The following TRPM1 variants were observed in gnomAD, a reference collection of about 807,000 sequenced individuals.
The protein encoded by TRPM1 is transient receptor potential cation channel subfamily M member 1.
A neutral mutation model predicts 149.4 loss-of-function variants in TRPM1; 113 were observed. That is an observed-to-expected ratio of 0.76 (90% CI 0.65 to 0.88). The LOEUF is 0.88. Among genes scored for constraint, TRPM1 ranks in the 40% least tolerant of loss-of-function variants. TRPM1 has a pLI of 0.00. For missense variants in TRPM1, 1,976 were observed against 2,038.7 expected, an observed-to-expected ratio of 0.97 and a Z score of 0.59; for synonymous variants, 741 against 759.5, an observed-to-expected ratio of 0.98 and a Z score of 0.40.
intron 1 of TRPM1, among the ~76,000 whole-genome samples, chr15:31,127,045 G>T (rs1324194642): frequency 6.6e-6 from 1 of 152,194 alleles, no homozygotes; most frequent in Non-Finnish European, 1.5e-5. Flanking sequence ...TTAATGGAAA[G>T]GGTGCTAGTA....
chr15:31,059,659 G>A (rs779717913), intron 11 of TRPM1, among the ~76,000 whole-genome samples: 23 of 151,962 alleles, frequency 1.5e-4, no homozygotes, highest in East Asian at 3.9e-4. Context: ...CTCCCAAATC[G>A]GCCTCCCAAA....
At position 31,065,836 on chromosome 15, in the gene TRPM1, G is replaced by A. The variant is rs147597552; in HGVS notation, c.790+240C>T. 4.0e-3 allele frequency among the ~76,000 whole-genome samples: 611 copies of A among 152,302 alleles called. 3 individuals carry two copies. Among genetic ancestry groups the A allele is most frequent in the African/African-American group, 0.014 (582 of 41,562 alleles). On this transcript the variant is annotated intron_variant, in intron 7 of 27. Coordinates refer to ENST00000256552, the MANE Select transcript of TRPM1 (RefSeq NM_001252024.2). ...GGGTGGGCAAGGCCATCACCATGGC[G>A]AGCACTGAGGGTTATTTCGTGCTAA...
intron 1 of TRPM1, among the ~76,000 whole-genome samples, chr15:31,145,792 A>T (rs2036217452): frequency 6.6e-6 from 1 of 151,904 alleles, no homozygotes; most frequent in African/African-American, 2.4e-5. Context: ...TCATTTTTTG[A>T]TCTATTTGAT....
chr15:31,016,962 TACACACACACACAC>T (rs36176052), intron 27 of TRPM1, among the ~76,000 whole-genome samples: 1 of 89,414 alleles, frequency 1.1e-5, no homozygotes, highest in African/African-American at 3.9e-5. Flanking sequence ...AAACCTGGCG[TACACACACACACAC>T]ACACACACAC....
chr15:31,013,944 G>T (rs936129577), intron 27 of TRPM1, among the ~76,000 whole-genome samples: 1 of 152,142 alleles, frequency 6.6e-6, no homozygotes, highest in Non-Finnish European at 1.5e-5. Context: ...AGCTGTATGT[G>T]TATATAGGGG....
intron 1 of TRPM1, among the ~76,000 whole-genome samples, chr15:31,100,201 C>T (rs929016170): frequency 2.6e-5 from 4 of 151,688 alleles, no homozygotes; most frequent in African/African-American, 4.8e-5. Context: ...CTCAGCCTCT[C>T]GAGTAGCTGG....
chr15:31,074,587 T>C (rs1298504071), intron 3 of TRPM1, among the ~76,000 whole-genome samples: 1 of 152,134 alleles, frequency 6.6e-6, no homozygotes, highest in Non-Finnish European at 1.5e-5. Context: ...TCTTCTTTTA[T>C]GACTCTAGCT....
At position 31,002,305 on chromosome 15, in the gene TRPM1, G is replaced by A; in HGVS notation, c.4395C>T (p.Ser1465=). ...KTMKSRSFVY[S]RGRKLVGGVN... The stretch of plus-strand genomic sequence containing the variant: ...CCCCACCGACCAGCTTTCTTCCCCG[G>A]GAATAGACGAAGCTTCTGGACTTCA... Residue 1465 remains serine (S), a synonymous_variant, in exon 28 of 28, where the codon TCC becomes TCT. Transcript: ENST00000256552. 1 of 1,614,120 alleles carries A rather than the reference G, an allele frequency of 6.2e-7. No homozygotes were observed.
chr15:31,139,910 C>T (rs1191807978), intron 1 of TRPM1, among the ~76,000 whole-genome samples: 1 of 152,144 alleles, frequency 6.6e-6, no homozygotes, highest in Non-Finnish European at 1.5e-5. Context: ...AAATCTTTTT[C>T]AGTAACTTAA....
At chr15:31,067,245 C>G in intron 5 of TRPM1, 58 bp from the exon 6 acceptor site, 1 of 1,613,936 alleles carries the variant, frequency 6.2e-7, no homozygotes, top group Non-Finnish European at 8.5e-7. Context: ...CACCATCATT[C>G]ATGAAATTTA....
At chr15:31,085,901 G>C (rs192544758) in intron 1 of TRPM1, among the ~76,000 whole-genome samples, 111 of 152,244 alleles carry the variant, frequency 7.3e-4, no homozygotes, top group African/African-American at 2.4e-3. Context: ...CCCTGGACCC[G>C]CAGCCACAGG....
intron 23 of TRPM1, among the ~76,000 whole-genome samples, chr15:31,030,762 G>A (rs538784622): frequency 6.6e-6 from 1 of 152,292 alleles, no homozygotes; most frequent in South Asian, 2.1e-4. Context: ...TCCAGCTCAA[G>A]GGAATTCTAG....
chr15:31,152,780 C>T (rs1383938892), intron 1 of TRPM1, among the ~76,000 whole-genome samples: 1 of 152,204 alleles, frequency 6.6e-6, no homozygotes, highest in Non-Finnish European at 1.5e-5. Flanking sequence ...GTAGCTGGGA[C>T]CACAGGCACA....
Position 31,003,357 on chromosome 15 carries a change from G to A in TRPM1, c.3630-287C>T, listed in dbSNP as rs1566982930. On this transcript the variant is annotated intron_variant, in intron 27 of 27. Coordinates refer to ENST00000256552, the MANE Select transcript of TRPM1 (RefSeq NM_001252024.2). Reference sequence around the variant, plus strand: ...GGTACTTACTGAGGTTCAATCCTAGGCTTATTTAATCTTCAGAACAGTCCT... The same window carrying A: ...GGTACTTACTGAGGTTCAATCCTAGACTTATTTAATCTTCAGAACAGTCCT... 2.6e-5 allele frequency among the ~76,000 whole-genome samples: 4 copies of A among 152,156 alleles called. No homozygotes were observed. In the South Asian group the frequency reaches 8.3e-4, roughly 31 times the overall value.
At chr15:31,066,019 T>C in intron 7 of TRPM1, 57 bp downstream of exon 7, 1 of 1,584,896 alleles carries the variant, frequency 6.3e-7, no homozygotes, top group South Asian at 1.1e-5. Flanking sequence ...TTCTCAGCCT[T>C]GTTTCCACTG....
chr15:31,154,260 C>T (rs976126359), intron 1 of TRPM1, among the ~76,000 whole-genome samples: 2 of 152,172 alleles, frequency 1.3e-5, no homozygotes, highest in Non-Finnish European at 2.9e-5. Context: ...GCAATGAGCC[C>T]TTTGTCACAG....
At chr15:31,145,163 T>A (rs12148459) in intron 1 of TRPM1, among the ~76,000 whole-genome samples, 23,399 of 152,128 alleles carry the variant, frequency 0.15, 2,111 homozygotes, top group African/African-American at 0.26. Context: ...CTGGACAACT[T>A]GATATAAATC....
intron 1 of TRPM1, among the ~76,000 whole-genome samples, chr15:31,107,769 T>C (rs529802635): frequency 2.0e-5 from 3 of 152,244 alleles, no homozygotes; most frequent in Admixed American, 1.3e-4. Flanking sequence ...AGATATTTTA[T>C]AACTTTTCTT....
In TRPM1 at chr15:31,028,459, G is replaced by A; in HGVS notation, c.3166C>T (p.Leu1056=). The A allele has an allele frequency of 6.2e-7, 1 of 1,613,972 alleles. No individual in the cohort carries two copies. The highest frequency in any genetic ancestry group is 1.1e-5 in the South Asian group (1 of 91,074). The change falls in exon 25 of 28, where the codon CTA becomes TTA. Residue 1056 remains leucine (L), a synonymous_variant. Transcript: ENST00000256552. Reference sequence around the variant, plus strand: ...AGCCGCTTGCCCTCCTCATCATATAGGTTCTCACCACAAGGAGCTGAAAGA... The same window carrying A: ...AGCCGCTTGCCCTCCTCATCATATAAGTTCTCACCACAAGGAGCTGAAAGA... The part of the protein sequence containing the change: ...MEINPPCGEN[L]YDEEGKRLPP...
Sources: allele counts gnomAD v4.1 joint callset (sites outside exome capture counted in the v4.1 genomes callset), GRCh38; gene constraint gnomAD v4.1.1; transcripts MANE v1.5; gene names NCBI Gene and HGNC (gene_info 2026-07-23, HGNC 2026-07-21).